The following CNTNAP2 variants were observed in gnomAD, a reference collection of about 807,000 sequenced individuals.
CNTNAP2 encodes the protein contactin-associated protein-like 2.
CNTNAP2 carries 98 observed loss-of-function variants against 155.2 expected under a neutral mutation model. The observed-to-expected ratio is 0.63, with a 90% CI of 0.54 to 0.75. The LOEUF is 0.75. CNTNAP2 is among the 30% of genes least tolerant of loss of function. The probability of loss-of-function intolerance (pLI) is 0.00; values close to 1 mark genes in which losing one functional copy is unlikely to be tolerated. For synonymous variants in CNTNAP2, 651 were observed against 631.2 expected (o/e 1.03, Z -0.47); for missense variants, 1,727 against 1,688.1 (o/e 1.02, Z -0.40).
chr7:147,134,708 T>G (rs1801444129), intron 8 of CNTNAP2, among the ~76,000 whole-genome samples: 1 of 151,940 alleles, frequency 6.6e-6, no homozygotes, highest in African/African-American at 2.4e-5. Context: ...CAAATTCAAT[T>G]AAATGTGTAA....
chr7:146,721,629 A>G (rs1452749779), intron 1 of CNTNAP2, among the ~76,000 whole-genome samples: 2 of 118,000 alleles, frequency 1.7e-5, no homozygotes, highest in Non-Finnish European at 3.2e-5. Context: ...TTCTATATAC[A>G]TTCTATATAT....
chr7:148,135,240 G>C (rs1804911983), intron 16 of CNTNAP2, among the ~76,000 whole-genome samples: 1 of 152,112 alleles, frequency 6.6e-6, no homozygotes, highest in Non-Finnish European at 1.5e-5. Context: ...TCTGAGGTTT[G>C]TTATATTACC....
At chr7:146,978,534 CA>C (rs1393822804) in intron 3 of CNTNAP2, among the ~76,000 whole-genome samples, 12 of 152,144 alleles carry the variant, frequency 7.9e-5, no homozygotes, top group African/African-American at 2.6e-4. Flanking sequence ...ACATATTTGT[CA>C]AAAGACTATT....
intron 16 of CNTNAP2, among the ~76,000 whole-genome samples, chr7:148,132,709 A>T (rs1009096116): frequency 2.0e-5 from 3 of 152,236 alleles, no homozygotes; most frequent in Non-Finnish European, 4.4e-5. Context: ...CCACAGGGAA[A>T]GTTTTTATTT....
chr7:147,756,394 C>G (rs1294943318), intron 13 of CNTNAP2, among the ~76,000 whole-genome samples: 2 of 152,100 alleles, frequency 1.3e-5, no homozygotes, highest in African/African-American at 4.8e-5. Flanking sequence ...AACCAGCTAA[C>G]AGCAATGTAT....
chr7:146,660,800 A>C (rs1436081038), intron 1 of CNTNAP2, among the ~76,000 whole-genome samples: 2 of 152,194 alleles, frequency 1.3e-5, no homozygotes, highest in African/African-American at 2.4e-5. Flanking sequence ...TCTTTCACAT[A>C]TTTGAAAATA....
chr7:147,456,311 C>A (rs1443696869), intron 10 of CNTNAP2, among the ~76,000 whole-genome samples: 1 of 152,024 alleles, frequency 6.6e-6, no homozygotes, highest in Non-Finnish European at 1.5e-5. Context: ...CCTCTGCTTA[C>A]AGATGATATT....
Position 147,071,886 on chromosome 7 carries a change from A to G in CNTNAP2, c.550+27832A>G, listed in dbSNP as rs145508926. Among the ~76,000 whole-genome samples the G allele has an allele frequency of 3.7e-3, 557 of 152,354 alleles. 4 individuals carry two copies. The highest frequency in any genetic ancestry group is 0.014 in the Middle Eastern group (4 of 294). On this transcript the variant is annotated intron_variant, in intron 4 of 23. Transcript: ENST00000361727. ...CATAATAACAATCATTGATTCAGTA[A>G]CAATGACTAAGAACCAACCATGTAC...
At chr7:147,142,048 A>G (rs888864406) in intron 8 of CNTNAP2, among the ~76,000 whole-genome samples, 9 of 152,050 alleles carry the variant, frequency 5.9e-5, no homozygotes, top group African/African-American at 1.7e-4. Context: ...CTCTTTTCCT[A>G]ATTGAATACC....
At chr7:146,536,663 G>GA (rs1202610535) in intron 1 of CNTNAP2, among the ~76,000 whole-genome samples, 3 of 148,784 alleles carry the variant, frequency 2.0e-5, no homozygotes, top group Non-Finnish European at 4.4e-5. Context: ...ATCTAGAGCA[G>GA]AAAAAAATAA....
At chr7:148,321,919 C>T (rs552602107) in intron 21 of CNTNAP2, among the ~76,000 whole-genome samples, 111 of 147,002 alleles carry the variant, frequency 7.6e-4, no homozygotes, top group South Asian at 3.2e-3. Flanking sequence ...TTTTCTGAGA[C>T]GGATTCTCGC....
At chr7:147,192,897 T>C (rs193033033) in intron 8 of CNTNAP2, among the ~76,000 whole-genome samples, 1 of 152,308 alleles carries the variant, frequency 6.6e-6, no homozygotes, top group African/African-American at 2.4e-5. Flanking sequence ...TTGACTGTAA[T>C]GGGCGCAACT....
chr7:146,883,883 T>C (rs1248143918), intron 3 of CNTNAP2, among the ~76,000 whole-genome samples: 1 of 152,142 alleles, frequency 6.6e-6, no homozygotes, highest in Non-Finnish European at 1.5e-5. Flanking sequence ...TTGTTCCACT[T>C]TCTGCTAATA....
intron 11 of CNTNAP2, among the ~76,000 whole-genome samples, chr7:147,519,543 A>T (rs1378527770): frequency 6.6e-6 from 1 of 152,174 alleles, no homozygotes; most frequent in African/African-American, 2.4e-5. Context: ...TCAAACCTCA[A>T]ATTGTATTCT....
intron 3 of CNTNAP2, among the ~76,000 whole-genome samples, chr7:146,990,136 C>T (rs1662252912): frequency 6.6e-6 from 1 of 152,076 alleles, no homozygotes; most frequent in Non-Finnish European, 1.5e-5. Context: ...ATCTAATGTA[C>T]AATGATATTT....
intron 4 of CNTNAP2, among the ~76,000 whole-genome samples, chr7:147,097,173 A>G (rs1800553252): frequency 6.6e-6 from 1 of 152,224 alleles, no homozygotes; most frequent in Non-Finnish European, 1.5e-5. Flanking sequence ...TAAAATAAAT[A>G]AAAATGACAT....
At chr7:146,844,694 C>A (rs2129201677) in intron 3 of CNTNAP2, among the ~76,000 whole-genome samples, 1 of 152,218 alleles carries the variant, frequency 6.6e-6, no homozygotes, top group African/African-American at 2.4e-5. Flanking sequence ...GCAGTGGATG[C>A]CTTCTTTACA....
chr7:147,084,817 T>C (rs578186737), intron 4 of CNTNAP2, among the ~76,000 whole-genome samples: 21 of 148,560 alleles, frequency 1.4e-4, no homozygotes, highest in African/African-American at 5.1e-4. Flanking sequence ...TGTATTTTAT[T>C]ATATATAATT....
intron 12 of CNTNAP2, among the ~76,000 whole-genome samples, chr7:147,591,793 C>G (rs1261808110): frequency 6.6e-6 from 1 of 152,080 alleles, no homozygotes; most frequent in Non-Finnish European, 1.5e-5. Context: ...AGAACTGCAC[C>G]ATCTGCATCC....
Sources: allele counts gnomAD v4.1 joint callset (sites outside exome capture counted in the v4.1 genomes callset), GRCh38; gene constraint gnomAD v4.1.1; transcripts MANE v1.5; gene names NCBI Gene and HGNC (gene_info 2026-07-23, HGNC 2026-07-21).